BTRC: variants seen among roughly 807,000 people sequenced by gnomAD.
BTRC encodes the protein beta-transducin repeat containing E3 ubiquitin protein ligase, also known as F-box/WD repeat-containing protein 1A.
In BTRC, 42 loss-of-function variants were observed where a neutral mutation model predicts 85.5. The ratio of observed to expected loss-of-function variants is 0.49; its 90% CI spans 0.38 to 0.64. The LOEUF (loss-of-function observed/expected upper bound fraction) is 0.64. Ranked by LOEUF, BTRC falls within the 30% of genes least tolerant of loss-of-function variation. The pLI, the probability that BTRC is intolerant of heterozygous loss-of-function variation, is 0.00. For missense variants in BTRC, 594 were observed against 743.5 expected (o/e 0.80, Z 2.34); for synonymous variants, 255 against 263.3 (o/e 0.97, Z 0.30).
intron 8 of BTRC, among the ~76,000 whole-genome samples, chr10:101,532,748 A>ATGTGTG (rs1240384646): frequency 1.8e-3 from 132 of 71,410 alleles, no homozygotes; most frequent in Non-Finnish European, 3.3e-3. Flanking sequence ...TACTGAAGCT[A>ATGTGTG]TATGTGTGTG....
chr10:101,547,065 A>C (rs755387661), intron 13 of BTRC, among the ~76,000 whole-genome samples: 6 of 152,194 alleles, frequency 3.9e-5, no homozygotes, highest in Non-Finnish European at 5.9e-5. Flanking sequence ...GGAAAAGAAA[A>C]ATACAGACTA....
At chr10:101,461,090 C>CA (rs1419961484) in intron 2 of BTRC, among the ~76,000 whole-genome samples, 2 of 152,042 alleles carry the variant, frequency 1.3e-5, no homozygotes, top group Admixed American at 6.6e-5. Flanking sequence ...TTAGTAGAGA[C>CA]ACAGTTTCAG....
In BTRC at chr10:101,557,303, A is replaced by C. The variant is rs1026199936; in HGVS notation, c.*4180A>C. 3 of 152,304 alleles carry C rather than the reference A, an allele frequency of 2.0e-5. No individual in the cohort carries two copies. The highest frequency in any genetic ancestry group is 6.5e-5 in the Admixed American group (1 of 15,298). 9.4% of individuals were successfully genotyped at this position (152,304 alleles called of 1,614,324 possible). ...AAAAAAAGTAAATTACAAATATAAG[A>C]TTAAAGTGAATTTTCTAAGCGTCTT... On this transcript the variant is annotated 3_prime_UTR_variant, in exon 15 of 15. Transcript: ENST00000370187.
chr10:101,427,210 C>T (rs1249918059), intron 1 of BTRC, among the ~76,000 whole-genome samples: 3 of 148,648 alleles, frequency 2.0e-5, no homozygotes, highest in Admixed American at 6.8e-5. Flanking sequence ...CTCCGCCTTC[C>T]GGGTTCAAGC....
At position 101,420,065 on chromosome 10, in the gene BTRC, T is replaced by C. The variant is rs866231172; in HGVS notation, c.49-10280T>C. 6.9e-3 allele frequency among the ~76,000 whole-genome samples: 1,053 copies of C among 152,022 alleles called. 5 individuals are homozygous for C. The highest frequency in any genetic ancestry group is 0.021 in the Middle Eastern group (6 of 292). On this transcript the variant is annotated intron_variant, in intron 1 of 14. Transcript: ENST00000370187. ...GTCTGTGGGTATATGTGTACATATATATATATATATCATGAATATATTATT... is the reference window on the plus strand; with the variant it reads ...GTCTGTGGGTATATGTGTACATATACATATATATATCATGAATATATTATT...
At chr10:101,503,623 A>G (rs1048240279) in intron 4 of BTRC, among the ~76,000 whole-genome samples, 1 of 152,174 alleles carries the variant, frequency 6.6e-6, no homozygotes, top group Non-Finnish European at 1.5e-5. Flanking sequence ...CAGAAATTAC[A>G]AGTCATTTAC....
intron 1 of BTRC, among the ~76,000 whole-genome samples, chr10:101,421,840 A>G (rs1944111191): frequency 6.6e-6 from 1 of 151,846 alleles, no homozygotes; most frequent in Non-Finnish European, 1.5e-5. Context: ...CATGGTGTAT[A>G]TGTGCCACAT....
At chr10:101,493,573 T>C (rs1247395023) in intron 4 of BTRC, among the ~76,000 whole-genome samples, 1 of 152,256 alleles carries the variant, frequency 6.6e-6, no homozygotes, top group Non-Finnish European at 1.5e-5. Flanking sequence ...AAACATTCTC[T>C]GTGGTGTCTA....
intron 1 of BTRC, among the ~76,000 whole-genome samples, chr10:101,407,523 G>A (rs7923392): frequency 0.33 from 49,542 of 151,290 alleles, 10,605 homozygotes; most frequent in East Asian, 0.67. Context: ...AGTGATTCTC[G>A]TGGACTACAG....
chr10:101,497,642 G>A (rs567770762), intron 4 of BTRC, among the ~76,000 whole-genome samples: 16 of 152,108 alleles, frequency 1.1e-4, no homozygotes, highest in African/African-American at 3.6e-4. Flanking sequence ...GGAGGTTGAG[G>A]CTGCAGTGAA....
chr10:101,470,611 C>T (rs1000437066), intron 3 of BTRC, among the ~76,000 whole-genome samples: 1 of 152,000 alleles, frequency 6.6e-6, no homozygotes, highest in African/African-American at 2.4e-5. Context: ...ATTACAGGCG[C>T]GAGCCACCGC....
chr10:101,475,570 A>G (rs1173115613), intron 3 of BTRC, among the ~76,000 whole-genome samples: 2 of 151,294 alleles, frequency 1.3e-5, no homozygotes, highest in Non-Finnish European at 3.0e-5. Flanking sequence ...AACAGAACTG[A>G]CTTTATAATA....
At chr10:101,376,032 A>G (rs534933927) in intron 1 of BTRC, among the ~76,000 whole-genome samples, 6 of 152,318 alleles carry the variant, frequency 3.9e-5, no homozygotes, top group Non-Finnish European at 7.3e-5. Context: ...ACTGGAATCA[A>G]AAGTGATGGC....
chr10:101,438,165 G>C (rs556249037), intron 2 of BTRC, among the ~76,000 whole-genome samples: 7 of 152,146 alleles, frequency 4.6e-5, no homozygotes, highest in South Asian at 4.1e-4. Context: ...GTCTTCTCAC[G>C]TCTGTAATCC....
At chr10:101,382,691 C>A (rs948267802) in intron 1 of BTRC, among the ~76,000 whole-genome samples, 1 of 152,168 alleles carries the variant, frequency 6.6e-6, no homozygotes, top group African/African-American at 2.4e-5. Context: ...GTGTAAATAT[C>A]TTATTTCACA....
chr10:101,532,610 A>G (rs1416219205), intron 8 of BTRC, among the ~76,000 whole-genome samples, 178 bp downstream of exon 8: 2 of 152,286 alleles, frequency 1.3e-5, no homozygotes, highest in East Asian at 1.9e-4. Flanking sequence ...CTTCCCCACT[A>G]TACAAACGGG....
upstream of BTRC, chr10:101,354,081 G>A: frequency 7.2e-7 from 1 of 1,385,134 alleles, no homozygotes; most frequent in Non-Finnish European, 1.0e-6. Flanking sequence ...GAGAGGGCGG[G>A]GGGAAGGAAG....
At position 101,430,456 on chromosome 10, in the gene BTRC, CTT is replaced by C; in HGVS notation, c.156+6_156+7del. 6.2e-7 allele frequency: 1 copy of C among 1,612,036 alleles called. No homozygotes were observed. The highest frequency in any genetic ancestry group is 8.5e-7 in the Non-Finnish European group (1 of 1,178,362). ...TGGCGCACTCACAGCTTTCCAGGTA[CTT>C]TCTCTGTCTCTGTGGGTTATTTGCG... On this transcript the variant is annotated splice_donor_5th_base_variant and intron_variant, in intron 2 of 14. Coordinates refer to ENST00000370187, the MANE Select transcript of BTRC (RefSeq NM_033637.4).
intron 13 of BTRC, among the ~76,000 whole-genome samples, chr10:101,545,890 A>G (rs2062550924): frequency 1.3e-5 from 2 of 152,308 alleles, no homozygotes; most frequent in South Asian, 4.1e-4. Flanking sequence ...AGTGTTGTAT[A>G]AGGATAAAGG....
Sources: allele counts gnomAD v4.1 joint callset (sites outside exome capture counted in the v4.1 genomes callset), GRCh38; gene constraint gnomAD v4.1.1; transcripts MANE v1.5; gene names NCBI Gene and HGNC (gene_info 2026-07-23, HGNC 2026-07-21).